The following RGPD2 variants were observed in gnomAD, a reference collection of about 807,000 sequenced individuals.
RGPD2 encodes RANBP2 like and GRIP domain containing 2, also known as RANBP2-like and GRIP domain-containing protein 2.
A neutral mutation model predicts 36.0 loss-of-function variants in RGPD2; 2 were observed. The observed-to-expected ratio is 0.06, with a 90% CI of 0.02 to 0.17. The LOEUF (loss-of-function observed/expected upper bound fraction) is 0.17, where lower values mean the gene tolerates loss of function less well. RGPD2 is among the 10% of genes least tolerant of loss of function. RGPD2 has a pLI of 1.00. For missense variants in RGPD2, 40 were observed against 464.3 expected (o/e 0.09, Z 8.40); for synonymous variants, 19 against 163.8 (o/e 0.12, Z 6.75).
the RGPD2 span, among the ~76,000 whole-genome samples, chr2:87,970,171 C>T: frequency 1.3e-5 from 2 of 151,498 alleles, no homozygotes; most frequent in African/African-American, 2.4e-5. Flanking sequence ...TTTGGGGATT[C>T]TTCACATGTT....
chr2:87,986,127 T>G, the RGPD2 span, among the ~76,000 whole-genome samples: 2 of 118,998 alleles, frequency 1.7e-5, no homozygotes, highest in Admixed American at 2.1e-4. Flanking sequence ...GAAAGGGGTC[T>G]GAAGACAGCT....
the RGPD2 span, among the ~76,000 whole-genome samples, chr2:87,983,306 C>G: frequency 6.6e-6 from 1 of 152,060 alleles, no homozygotes; most frequent in South Asian, 2.1e-4. Flanking sequence ...GATGACAGAG[C>G]AAAACCCCGT....
the RGPD2 span, among the ~76,000 whole-genome samples, chr2:87,840,693 G>T: frequency 6.7e-6 from 1 of 148,792 alleles, no homozygotes; most frequent in Non-Finnish European, 1.5e-5. Context: ...AGAGCATGAG[G>T]TAGTTTTATG....
At chr2:87,937,277 G>A in the RGPD2 span, among the ~76,000 whole-genome samples, 1 of 151,764 alleles carries the variant, frequency 6.6e-6, no homozygotes, top group African/African-American at 2.4e-5. Context: ...GAAGATGTTT[G>A]AATGTCTAGA....
the RGPD2 span, among the ~76,000 whole-genome samples, chr2:87,876,330 CTT>C: frequency 2.0e-5 from 3 of 151,920 alleles, no homozygotes; most frequent in Middle Eastern, 3.2e-3. Context: ...AGGTTGTTAA[CTT>C]GAGTTCTTTT....
At position 87,825,373 on chromosome 2, in the gene RGPD2, GGCCGCCGCC is replaced by G. The variant is rs1170265171; in HGVS notation, c.72+276_72+284del. On this transcript the variant is annotated intron_variant, in intron 1 of 22. Coordinates refer to ENST00000398146, the MANE Select transcript of RGPD2 (RefSeq NM_001078170.3). ...TAATCTTCTCGGGCTCCTACGCCGA[GGCCGCCGCC>G]GCCGCCGCCGCCGCCCGGCCAGGCC... is the stretch of plus-strand genomic sequence containing the variant. 7.0e-4 allele frequency among the ~76,000 whole-genome samples: 95 copies of G among 135,758 alleles called. 1 individual carries two copies. The highest frequency in any genetic ancestry group is 1.6e-3 in the South Asian group (7 of 4,432). 89.1% of individuals were successfully genotyped at this position (135,758 alleles called of 152,430 possible). A position where few individuals can be genotyped will look rare whatever the true frequency, so the allele number is the denominator to read the frequency against.
At chr2:87,963,679 CAAAAAAAA>C in the RGPD2 span, among the ~76,000 whole-genome samples, 1 of 54,288 alleles carries the variant, frequency 1.8e-5, no homozygotes, top group Non-Finnish European at 3.1e-5. Flanking sequence ...GACCCTGTCT[CAAAAAAAA>C]AAAAAAAAAA....
rs992462711 is a variant in RGPD2 at position 87,807,380 on chromosome 2, GT to G, written c.780-490del. 8.3e-3 allele frequency among the ~76,000 whole-genome samples: 682 copies of G among 81,960 alleles called. 1 individual carries two copies. The highest frequency in any genetic ancestry group is 0.022 in the East Asian group (60 of 2,760). The allele number at this position is 81,960 out of a possible 152,430, so 53.8% of individuals were successfully genotyped here. On this transcript the variant is annotated intron_variant, in intron 6 of 22. Coordinates refer to ENST00000398146, the MANE Select transcript of RGPD2 (RefSeq NM_001078170.3). ...ATATAGATCATTACAGCGTTAAATT[GT>G]TTTTTTTTTTTTTTTTTTTTTTTGA...
At chr2:87,805,859 CAAAA>C (rs553054856) in intron 7 of RGPD2, among the ~76,000 whole-genome samples, 1 of 91,208 alleles carries the variant, frequency 1.1e-5, no homozygotes, top group African/African-American at 4.0e-5. Context: ...GACTCCGTCT[CAAAA>C]AAAAAAAAAG....
chr2:87,980,020 C>T, the RGPD2 span, among the ~76,000 whole-genome samples: 1 of 150,822 alleles, frequency 6.6e-6, no homozygotes, highest in African/African-American at 2.4e-5. Flanking sequence ...TAAATTACAC[C>T]ACAATTTAAA....
At chr2:87,825,109 G>A in intron 1 of RGPD2, 1 of 387,400 alleles carries the variant, frequency 2.6e-6, no homozygotes, top group Non-Finnish European at 4.5e-6. Flanking sequence ...CAAAGTGAAC[G>A]AAAATCTGTT....
the RGPD2 span, among the ~76,000 whole-genome samples, chr2:87,914,053 A>T: frequency 6.6e-6 from 1 of 152,044 alleles, no homozygotes; most frequent in African/African-American, 2.4e-5. Context: ...CAGACAGTTT[A>T]TTGTCATAAT....
chr2:87,844,476 T>C, the RGPD2 span, among the ~76,000 whole-genome samples: 1 of 149,892 alleles, frequency 6.7e-6, no homozygotes, highest in African/African-American at 2.4e-5. Context: ...ACATTCACTC[T>C]TGTTCTGATT....
chr2:87,973,818 C>G, the RGPD2 span, among the ~76,000 whole-genome samples: 1 of 149,226 alleles, frequency 6.7e-6, no homozygotes, highest in Non-Finnish European at 1.5e-5. Flanking sequence ...AGAAAGGGCG[C>G]CTAATAATAG....
chr2:87,775,255 GAC>G (rs1685217824), intron 20 of RGPD2, among the ~76,000 whole-genome samples, 172 bp from the exon 21 acceptor site: 2 of 74,694 alleles, frequency 2.7e-5, no homozygotes, highest in Non-Finnish European at 6.2e-5. Flanking sequence ...TGTTGTAGGT[GAC>G]ACAAATAAAA....
the RGPD2 span, among the ~76,000 whole-genome samples, chr2:87,919,197 T>C: frequency 1.3e-5 from 2 of 152,068 alleles, no homozygotes; most frequent in Non-Finnish European, 2.9e-5. Flanking sequence ...GTTATATTTC[T>C]AGCTCTGAAA....
the RGPD2 span, among the ~76,000 whole-genome samples, chr2:87,955,426 A>C: frequency 2.9e-5 from 1 of 34,898 alleles, no homozygotes; most frequent in South Asian, 1.9e-3. Flanking sequence ...GGTTTCTCGC[A>C]TTCAGCATAA....
the RGPD2 span, among the ~76,000 whole-genome samples, chr2:87,917,157 T>C: frequency 1.3e-3 from 205 of 151,960 alleles, no homozygotes; most frequent in Admixed American, 5.5e-3. Flanking sequence ...AGGAGTCCAG[T>C]CCAGCTGGAG....
chr2:87,855,350 G>A, the RGPD2 span, among the ~76,000 whole-genome samples: 4 of 150,446 alleles, frequency 2.7e-5, no homozygotes, highest in Non-Finnish European at 5.9e-5. Flanking sequence ...TCCCACCAAC[G>A]ATGATTGAGA....
Sources: allele counts gnomAD v4.1 joint callset (sites outside exome capture counted in the v4.1 genomes callset), GRCh38; gene constraint gnomAD v4.1.1; transcripts MANE v1.5; gene names NCBI Gene and HGNC (gene_info 2026-07-23, HGNC 2026-07-21).